CCDC148: variants seen among roughly 807,000 people sequenced by gnomAD.
CCDC148 encodes coiled-coil domain containing 148.
A neutral mutation model predicts 85.7 loss-of-function variants in CCDC148; 89 were observed. The ratio of observed to expected loss-of-function variants is 1.04; its 90% CI spans 0.87 to 1.24. The LOEUF is 1.24. CCDC148 is among the 50% of genes most tolerant of loss of function. The pLI is 0.00. For synonymous variants in CCDC148, 230 were observed against 213.9 expected (o/e 1.08, Z -0.66); for missense variants, 692 against 671.7 (o/e 1.03, Z -0.33).
intron 13 of CCDC148, 57 bp from the exon 14 acceptor site, chr2:158,172,316 A>C (rs1166403770): frequency 5.3e-6 from 7 of 1,332,656 alleles, no homozygotes; most frequent in Middle Eastern, 2.4e-4. Flanking sequence ...ATAACTTTTA[A>C]CATTTAGTTC....
intron 1 of CCDC148, among the ~76,000 whole-genome samples, chr2:158,403,289 TAAGA>T (rs926207884): frequency 6.6e-6 from 1 of 151,966 alleles, no homozygotes; most frequent in Non-Finnish European, 1.5e-5. Context: ...TGATATTTCA[TAAGA>T]AAGAGATTGA....
intron 11 of CCDC148, among the ~76,000 whole-genome samples, chr2:158,213,695 A>G (rs1195641565): frequency 1.3e-5 from 2 of 152,212 alleles, no homozygotes; most frequent in Non-Finnish European, 2.9e-5. Context: ...TGACCGTTAC[A>G]TATCCTAGCT....
intron 9 of CCDC148, among the ~76,000 whole-genome samples, chr2:158,282,556 G>A (rs528826983): frequency 6.6e-6 from 1 of 152,042 alleles, no homozygotes; most frequent in Non-Finnish European, 1.5e-5. Context: ...AAATACCTAG[G>A]AATCCAACTT....
At chr2:158,333,517 T>C (rs964463597) in intron 7 of CCDC148, among the ~76,000 whole-genome samples, 10 of 152,160 alleles carry the variant, frequency 6.6e-5, no homozygotes, top group African/African-American at 2.2e-4. Flanking sequence ...GAGAGTTCTG[T>C]AGATGTCTAT....
At chr2:158,331,359 G>A (rs1014002009) in intron 7 of CCDC148, among the ~76,000 whole-genome samples, 7 of 152,200 alleles carry the variant, frequency 4.6e-5, no homozygotes, top group Non-Finnish European at 5.9e-5. Flanking sequence ...TGATTGCACT[G>A]TGGTCTGAGA....
chr2:158,256,193 A>G (rs534186112), intron 9 of CCDC148, among the ~76,000 whole-genome samples: 3 of 151,838 alleles, frequency 2.0e-5, no homozygotes, highest in African/African-American at 4.8e-5. Flanking sequence ...ACAATTTATT[A>G]TAAGTGTCAG....
At chr2:158,392,005 A>G (rs988792749) in intron 1 of CCDC148, among the ~76,000 whole-genome samples, 2 of 152,112 alleles carry the variant, frequency 1.3e-5, no homozygotes, top group Admixed American at 1.3e-4. Context: ...TTTCCCCATG[A>G]GACAGAAAGT....
intron 1 of CCDC148, among the ~76,000 whole-genome samples, chr2:158,392,373 T>C (rs1559116360): frequency 6.6e-6 from 1 of 152,264 alleles, no homozygotes; most frequent in Non-Finnish European, 1.5e-5. Context: ...CAGCATGTTC[T>C]GTCAATAATG....
rs781446120 is a variant in CCDC148 at position 158,172,118 on chromosome 2, T to C, written c.1771A>G (p.Ile591Val). 2 of 1,595,702 alleles carry C rather than the reference T, an allele frequency of 1.3e-6. No individual in the cohort carries two copies. Among genetic ancestry groups the C allele is most frequent in the East Asian group, 2.2e-5 (1 of 44,562 alleles). Residue 591 changes from isoleucine (I) to valine (V), a missense_variant, in exon 14 of 14, where the codon ATA becomes GTA. Coordinates refer to ENST00000283233, the MANE Select transcript of CCDC148 (RefSeq NM_138803.4). ...ATAGAATTTGAGGATGAGCTCTATA[T>C]TTTAAATACAGTAGACTCCATGTCC... ...RKDMESTVFK[I>V]
At chr2:158,197,740 A>AT (rs1685748827) in intron 11 of CCDC148, among the ~76,000 whole-genome samples, 1 of 151,912 alleles carries the variant, frequency 6.6e-6, no homozygotes, top group African/African-American at 2.4e-5. Context: ...TTACTTCCCT[A>AT]TTTTTTTATT....
intron 8 of CCDC148, among the ~76,000 whole-genome samples, chr2:158,312,405 A>C (rs1054959701): frequency 2.6e-5 from 4 of 152,062 alleles, no homozygotes; most frequent in Non-Finnish European, 5.9e-5. Flanking sequence ...AACACGGTGA[A>C]ACCCCGACTC....
At chr2:158,206,296 G>A (rs1329666037) in intron 11 of CCDC148, among the ~76,000 whole-genome samples, 1 of 152,136 alleles carries the variant, frequency 6.6e-6, no homozygotes, top group Non-Finnish European at 1.5e-5. Flanking sequence ...AATGTAGAAT[G>A]GGCCTTAAGA....
At chr2:158,355,233 A>T (rs1300366915) in intron 2 of CCDC148, among the ~76,000 whole-genome samples, 1 of 152,130 alleles carries the variant, frequency 6.6e-6, no homozygotes, top group Admixed American at 6.6e-5. Context: ...GGCCAGGGCA[A>T]TTAGGCAGGA....
In CCDC148 at chr2:158,345,300, T is replaced by A; in HGVS notation, c.166A>T (p.Thr56Ser). Reference protein sequence around the residue: ...AKLKIRKAMLTSKLSKEQTLI... With the variant: ...AKLKIRKAMLSSKLSKEQTLI... ...GTTTGTTCTTTGGATAACTTTGAAG[T>A]CAACATTGCTTTTCTGATCTAGATT... The change falls in exon 3 of 14, where the codon ACT (threonine) becomes TCT (serine). Residue 56 changes from threonine (T) to serine (S), a missense_variant. Physicochemically the swap from Thr to Ser is moderately conservative, Grantham distance 58. Transcript: ENST00000283233. 6.2e-7 allele frequency: 1 copy of A among 1,612,724 alleles called. No homozygotes were observed. Among genetic ancestry groups the A allele is most frequent in the Non-Finnish European group, 8.5e-7 (1 of 1,179,306 alleles).
chr2:158,263,078 T>G (rs1478813147), intron 9 of CCDC148, among the ~76,000 whole-genome samples: 1 of 152,020 alleles, frequency 6.6e-6, no homozygotes, highest in Non-Finnish European at 1.5e-5. Flanking sequence ...CTCTCTAGTC[T>G]TTTATCAAGG....
intron 1 of CCDC148, among the ~76,000 whole-genome samples, chr2:158,442,683 AGTG>A (rs1687985336): frequency 6.6e-6 from 1 of 152,248 alleles, no homozygotes; most frequent in Admixed American, 6.5e-5. Flanking sequence ...CCACTCATGC[AGTG>A]TTGTTCCCCT....
Position 158,210,544 on chromosome 2 carries a change from T to C in CCDC148, c.1370+10051A>G, listed in dbSNP as rs115888302. Among the ~76,000 whole-genome samples, 1,097 of 152,076 alleles carry C rather than the reference T, an allele frequency of 7.2e-3. 11 individuals carry two copies. Among genetic ancestry groups the C allele is most frequent in the African/African-American group, 0.025 (1,026 of 41,478 alleles). ...GCACCACATCACACTTACTCTAAAATTGACTACAGAGCTGGAAGTAAAACA... is the reference window on the plus strand; with the variant it reads ...GCACCACATCACACTTACTCTAAAACTGACTACAGAGCTGGAAGTAAAACA... On this transcript the variant is annotated intron_variant, in intron 11 of 13. Coordinates refer to ENST00000283233, the MANE Select transcript of CCDC148 (RefSeq NM_138803.4).
chr2:158,372,893 A>C (rs1404184773), intron 1 of CCDC148, among the ~76,000 whole-genome samples: 18 of 152,092 alleles, frequency 1.2e-4, no homozygotes. Context: ...CCATTTGCAG[A>C]TCCCTGAACG....
intron 10 of CCDC148, among the ~76,000 whole-genome samples, chr2:158,227,137 T>G (rs571433656): frequency 3.9e-5 from 6 of 152,174 alleles, no homozygotes; most frequent in Admixed American, 1.3e-4. Flanking sequence ...TGTACAAAAA[T>G]CACAAGCATT....
Sources: allele counts gnomAD v4.1 joint callset (sites outside exome capture counted in the v4.1 genomes callset), GRCh38; gene constraint gnomAD v4.1.1; transcripts MANE v1.5; gene names NCBI Gene and HGNC (gene_info 2026-07-23, HGNC 2026-07-21).